PTPN2: variants seen among roughly 807,000 people sequenced by gnomAD.
The protein encoded by PTPN2 is protein tyrosine phosphatase non-receptor type 2.
PTPN2 carries 19 observed loss-of-function variants against 57.3 expected under a neutral mutation model. That is an observed-to-expected ratio of 0.33 (90% CI 0.23 to 0.49). The LOEUF is 0.49. PTPN2 is among the 20% of genes least tolerant of loss of function. PTPN2 has a pLI of 0.99. For missense variants in PTPN2, 358 were observed against 501.1 expected (o/e 0.71, Z 2.73); for synonymous variants, 153 against 164.9 (o/e 0.93, Z 0.55).
chr18:12,822,402 T>TA (rs2042302014), intron 5 of PTPN2, among the ~76,000 whole-genome samples: 1 of 152,162 alleles, frequency 6.6e-6, no homozygotes, highest in Non-Finnish European at 1.5e-5. Context: ...ACAAGTACTC[T>TA]AGATGACCTT....
chr18:12,799,317 T>A (rs1472485164), intron 8 of PTPN2, among the ~76,000 whole-genome samples: 1 of 151,116 alleles, frequency 6.6e-6, no homozygotes, highest in Admixed American at 6.6e-5. Context: ...CTTGGGAGGC[T>A]AAGGCAGGAG....
At position 12,793,252 on chromosome 18, in the gene PTPN2, G is replaced by C. The variant is rs116973576; in HGVS notation, c.*1026C>G. ...CATTAAGTTAAAATGACAATGTAAG[G>C]TTTGCATATAATCATACTATTTATT... On this transcript the variant is annotated 3_prime_UTR_variant, in exon 9 of 9. Transcript: ENST00000309660. The C allele has an allele frequency of 4.1e-6, 4 of 974,490 alleles. No individual in the cohort carries two copies. Among genetic ancestry groups the C allele is most frequent in the African/African-American group, 1.8e-5 (1 of 56,984 alleles). 60.4% of individuals were successfully genotyped at this position (974,490 alleles called of 1,614,324 possible).
intron 2 of PTPN2, among the ~76,000 whole-genome samples, chr18:12,845,465 T>C (rs1044593303): frequency 6.6e-6 from 1 of 152,186 alleles, no homozygotes; most frequent in Non-Finnish European, 1.5e-5. Flanking sequence ...CAACAATGTG[T>C]TTTTAATCTT....
At chr18:12,850,137 T>C (rs1298299120) in intron 2 of PTPN2, among the ~76,000 whole-genome samples, 1 of 152,166 alleles carries the variant, frequency 6.6e-6, no homozygotes, top group Non-Finnish European at 1.5e-5. Flanking sequence ...GCTTTTTTTT[T>C]CTCATTCTCT....
At chr18:12,842,167 A>T (rs2043067036) in intron 2 of PTPN2, among the ~76,000 whole-genome samples, 1 of 152,088 alleles carries the variant, frequency 6.6e-6, no homozygotes, top group Non-Finnish European at 1.5e-5. Context: ...CGGCCTCCCA[A>T]AGTGTTGGGA....
chr18:12,812,147 G>GT (rs2041912173), intron 7 of PTPN2, among the ~76,000 whole-genome samples: 1 of 152,154 alleles, frequency 6.6e-6, no homozygotes, highest in Admixed American at 6.5e-5. Flanking sequence ...TAAATATGTG[G>GT]TAATACCAGC....
chr18:12,883,914 T>G (rs1598912803), intron 1 of PTPN2, 159 bp downstream of exon 1: 3 of 498,132 alleles, frequency 6.0e-6, no homozygotes, highest in South Asian at 5.3e-5. Context: ...AAGAGAGCGG[T>G]CAGCGCAGGC....
intron 7 of PTPN2, among the ~76,000 whole-genome samples, chr18:12,802,802 A>G (rs563822829): frequency 3.5e-4 from 53 of 152,334 alleles, no homozygotes; most frequent in Middle Eastern, 3.4e-3. Context: ...TCTTTCCCAG[A>G]CAAGCAAAAG....
At chr18:12,813,105 G>A (rs2041952634) in intron 7 of PTPN2, among the ~76,000 whole-genome samples, 1 of 152,108 alleles carries the variant, frequency 6.6e-6, no homozygotes, top group Non-Finnish European at 1.5e-5. Flanking sequence ...ATCACAGCCA[G>A]GAAGCAGGCA....
intron 5 of PTPN2, among the ~76,000 whole-genome samples, chr18:12,825,338 T>C (rs990490408): frequency 7.2e-5 from 11 of 152,324 alleles, no homozygotes; most frequent in African/African-American, 2.6e-4. Context: ...TCCTGGGAGC[T>C]ATTGCTTGCT....
intron 1 of PTPN2, among the ~76,000 whole-genome samples, chr18:12,874,541 G>A (rs1205886447): frequency 8.9e-6 from 1 of 112,674 alleles, no homozygotes; most frequent in African/African-American, 3.5e-5. Context: ...GGTGGGGGGG[G>A]GTCAGCTCCC....
intron 8 of PTPN2, among the ~76,000 whole-genome samples, chr18:12,798,623 G>A (rs1005097331): frequency 6.6e-6 from 1 of 152,126 alleles, no homozygotes; most frequent in African/African-American, 2.4e-5. Context: ...ATTCCATGCT[G>A]TATATGTACA....
intron 1 of PTPN2, among the ~76,000 whole-genome samples, chr18:12,867,554 T>C (rs1236486096): frequency 6.6e-6 from 1 of 152,182 alleles, no homozygotes; most frequent in African/African-American, 2.4e-5. Context: ...AAATACATTA[T>C]AGATATGTGC....
At chr18:12,877,965 G>C (rs2044546463) in intron 1 of PTPN2, among the ~76,000 whole-genome samples, 1 of 152,088 alleles carries the variant, frequency 6.6e-6, no homozygotes, top group Non-Finnish European at 1.5e-5. Context: ...GGGAGGCAGA[G>C]CTTGCAGCGA....
At chr18:12,882,962 C>CA (rs1227310596) in intron 1 of PTPN2, among the ~76,000 whole-genome samples, 6 of 152,172 alleles carry the variant, frequency 3.9e-5, no homozygotes, top group African/African-American at 1.4e-4. Context: ...AAGGGGAAAG[C>CA]AGTTACATCA....
rs943498243 is a variant in PTPN2 at position 12,884,218 on chromosome 18, G to T, written c.-77C>A. On this transcript the variant is annotated 5_prime_UTR_variant, in exon 1 of 9. Coordinates refer to ENST00000309660, the MANE Select transcript of PTPN2 (RefSeq NM_002828.4). ...AGGCCCCGCACGATCCGGGGAGAGC[G>T]CTGGCGCTGCGGCGCATGCGCGCTG... The T allele has an allele frequency of 5.1e-6, 6 of 1,183,788 alleles. No individual in the cohort carries two copies. The highest frequency in any genetic ancestry group is 6.8e-6 in the Non-Finnish European group (6 of 886,260). The allele number at this position is 1,183,788 out of a possible 1,614,324, so 73.3% of individuals were successfully genotyped here.
chr18:12,842,204 C>T (rs902523364), intron 2 of PTPN2, among the ~76,000 whole-genome samples: 1 of 152,114 alleles, frequency 6.6e-6, no homozygotes, highest in African/African-American at 2.4e-5. Flanking sequence ...CGGCGCTCAG[C>T]AGTATTGCAC....
intron 5 of PTPN2, among the ~76,000 whole-genome samples, chr18:12,823,840 C>A (rs928911386): frequency 8.5e-5 from 13 of 152,084 alleles, no homozygotes; most frequent in African/African-American, 3.1e-4. Flanking sequence ...CTGAAGACTA[C>A]TGGTCAGATG....
rs145543076 is a variant in PTPN2 at position 12,836,924 on chromosome 18, A to G, written c.161-33T>C. 2.3e-6 allele frequency: 3 copies of G among 1,299,542 alleles called. No individual in the cohort carries two copies. In the East Asian group the frequency reaches 6.9e-5, roughly 30 times the overall value. 80.5% of individuals were successfully genotyped at this position (1,299,542 alleles called of 1,614,324 possible). On this transcript the variant is annotated intron_variant, in intron 2 of 8. Coordinates refer to ENST00000309660, the MANE Select transcript of PTPN2 (RefSeq NM_002828.4). ...TAGAGAATGATAAACCACAACTGTC[A>G]TTTCAAAATTACTGTTTTTATCTTC...
Sources: allele counts gnomAD v4.1 joint callset (sites outside exome capture counted in the v4.1 genomes callset), GRCh38; gene constraint gnomAD v4.1.1; transcripts MANE v1.5; gene names NCBI Gene and HGNC (gene_info 2026-07-23, HGNC 2026-07-21).